The following STPG2 variants were observed in gnomAD, a reference collection of about 807,000 sequenced individuals.
STPG2 encodes the protein sperm-tail PG-rich repeat-containing protein 2.
A neutral mutation model predicts 54.2 loss-of-function variants in STPG2; 56 were observed. The ratio of observed to expected loss-of-function variants is 1.03; its 90% CI spans 0.83 to 1.29. The LOEUF (loss-of-function observed/expected upper bound fraction) is 1.29. STPG2 is among the 50% of genes most tolerant of loss of function. STPG2 has a pLI of 0.00. For synonymous variants in STPG2, 200 were observed against 181.8 expected, an observed-to-expected ratio of 1.10 and a Z score of -0.81; for missense variants, 596 against 544.9, an observed-to-expected ratio of 1.09 and a Z score of -0.93.
At chr4:98,084,711 C>T (rs185569751) in intron 5 of STPG2, among the ~76,000 whole-genome samples, 7 of 152,166 alleles carry the variant, frequency 4.6e-5, no homozygotes, top group East Asian at 1.9e-4. Context: ...TAATGACAAA[C>T]GGTTTAGAGC....
chr4:97,805,291 C>T (rs1038610081), intron 9 of STPG2, among the ~76,000 whole-genome samples: 1 of 152,138 alleles, frequency 6.6e-6, no homozygotes, highest in Non-Finnish European at 1.5e-5. Context: ...ACTGCAACCT[C>T]CCTGCCTTCC....
intron 8 of STPG2, among the ~76,000 whole-genome samples, chr4:97,890,260 T>A (rs534199013): frequency 9.2e-5 from 14 of 152,090 alleles, no homozygotes; most frequent in African/African-American, 2.9e-4. Context: ...TGAAGGTATC[T>A]TAAAAGGGCC....
rs143641333 is a variant in STPG2, at chr4:97,441,950, C to G, written c.463-254117G>C. On this transcript the variant is annotated intron_variant, in intron 4 of 4. Coordinates refer to the STPG2 transcript ENST00000522676. ...TTTAATACACTATTTTCTCCACTGA[C>G]AAGTATTTTGAGAATAAAAATATTT... Among the ~76,000 whole-genome samples the G allele has an allele frequency of 6.0e-3, 918 of 152,028 alleles. 5 individuals carry two copies. The highest frequency in any genetic ancestry group is 0.02 in the South Asian group (98 of 4,820).
At chr4:97,558,813 T>A (rs531886215), downstream of STPG2, 1 of 430,954 alleles carries the variant, frequency 2.3e-6, no homozygotes, top group Non-Finnish European at 4.2e-6. Flanking sequence ...AGCCAAAAAA[T>A]GTTGGGGTTA....
chr4:97,452,109 GCCCCGCCCCCACCCCCCCCCCC>G (rs1409863165), intron 4 of STPG2, among the ~76,000 whole-genome samples: 6 of 18,932 alleles, frequency 3.2e-4, no homozygotes, highest in Admixed American at 1.8e-3. Flanking sequence ...GCAGGCAGGA[GCCCCGCCCCCACCCCCCCCCCC>G]CCCCGCCCCC....
chr4:97,868,955 A>G (rs1193670894), intron 8 of STPG2, among the ~76,000 whole-genome samples: 1 of 151,932 alleles, frequency 6.6e-6, no homozygotes, highest in Non-Finnish European at 1.5e-5. Flanking sequence ...CTTATCTCAC[A>G]TTATGCCAGA....
At chr4:97,821,537 G>A (rs143449431) in intron 9 of STPG2, among the ~76,000 whole-genome samples, 1,627 of 152,246 alleles carry the variant, frequency 0.011, 31 homozygotes, top group African/African-American at 0.037. Flanking sequence ...TCTGTGTGGG[G>A]CCTCCAACCC....
chr4:97,597,240 G>A (rs949593502), intron 10 of STPG2, among the ~76,000 whole-genome samples: 1 of 151,926 alleles, frequency 6.6e-6, no homozygotes, highest in Non-Finnish European at 1.5e-5. Context: ...GACCAATAAT[G>A]AGTTGCAAAA....
At chr4:98,069,762 C>A (rs1274226311) in intron 5 of STPG2, among the ~76,000 whole-genome samples, 1 of 152,014 alleles carries the variant, frequency 6.6e-6, no homozygotes, top group Non-Finnish European at 1.5e-5. Flanking sequence ...CATATTTATT[C>A]ATGTTCTCAG....
chr4:97,695,151 CAAGTGG>C (rs775190599), intron 10 of STPG2, among the ~76,000 whole-genome samples: 7 of 150,082 alleles, frequency 4.7e-5, no homozygotes, highest in Non-Finnish European at 8.9e-5. Flanking sequence ...CCACCGTGAT[CAAGTGG>C]GTTTCATATC....
intron 10 of STPG2, among the ~76,000 whole-genome samples, chr4:97,643,253 C>A (rs1721814373): frequency 6.6e-6 from 1 of 151,230 alleles, no homozygotes; most frequent in Non-Finnish European, 1.5e-5. Context: ...AAGATATTGC[C>A]AAAATTATCT....
intron 5 of STPG2, among the ~76,000 whole-genome samples, chr4:98,022,624 G>A (rs377737071): frequency 1.3e-5 from 2 of 151,976 alleles, no homozygotes; most frequent in African/African-American, 4.8e-5. Context: ...TTCCAACTTG[G>A]TTCCATTTTC....
chr4:97,865,465 T>C (rs917004886), intron 8 of STPG2, among the ~76,000 whole-genome samples: 2 of 152,008 alleles, frequency 1.3e-5, no homozygotes, highest in Non-Finnish European at 2.9e-5. Flanking sequence ...TGTGGAAAAA[T>C]AGGAACACTT....
At chr4:97,453,886 A>G (rs1421042836) in intron 4 of STPG2, among the ~76,000 whole-genome samples, 1 of 152,122 alleles carries the variant, frequency 6.6e-6, no homozygotes. Context: ...AGGATGTCTG[A>G]ATTTGGGCAC....
chr4:97,466,174 C>T (rs891226044), intron 4 of STPG2, among the ~76,000 whole-genome samples: 1 of 152,040 alleles, frequency 6.6e-6, no homozygotes, highest in African/African-American at 2.4e-5. Context: ...TTGAATTTTT[C>T]CTGTACAAAA....
At chr4:98,042,452 A>G (rs1736992655) in intron 5 of STPG2, among the ~76,000 whole-genome samples, 1 of 151,660 alleles carries the variant, frequency 6.6e-6, no homozygotes, top group East Asian at 1.9e-4. Context: ...TTATGTTTGC[A>G]TTTAACACTA....
intron 8 of STPG2, among the ~76,000 whole-genome samples, chr4:97,859,900 T>A (rs1298045272): frequency 6.6e-6 from 1 of 152,252 alleles, no homozygotes; most frequent in Non-Finnish European, 1.5e-5. Flanking sequence ...TTTATTTTTG[T>A]ATAAGGTAAG....
intron 4 of STPG2, among the ~76,000 whole-genome samples, chr4:97,469,846 C>CA (rs1729878818): frequency 6.6e-6 from 1 of 151,554 alleles, no homozygotes; most frequent in Non-Finnish European, 1.5e-5. Context: ...ACATGTGTGC[C>CA]AAAAAAAGGT....
intron 5 of STPG2, among the ~76,000 whole-genome samples, chr4:98,038,075 A>G (rs1273105427): frequency 6.6e-6 from 1 of 151,878 alleles, no homozygotes; most frequent in Non-Finnish European, 1.5e-5. Context: ...GGGTCTTGCT[A>G]TGGTGCCCAG....
Sources: allele counts gnomAD v4.1 joint callset (sites outside exome capture counted in the v4.1 genomes callset), GRCh38; gene constraint gnomAD v4.1.1; transcripts MANE v1.5; gene names NCBI Gene and HGNC (gene_info 2026-07-23, HGNC 2026-07-21).